The following FAM193A variants were observed in gnomAD, a reference collection of about 807,000 sequenced individuals.
FAM193A encodes the protein protein FAM193A.
In FAM193A, 22 loss-of-function variants were observed where a neutral mutation model predicts 126.5. The observed-to-expected ratio is 0.17, with a 90% CI of 0.12 to 0.25. FAM193A has a LOEUF of 0.25. Among genes scored for constraint, FAM193A ranks in the 10% least tolerant of loss-of-function variants. The pLI is 1.00. For missense variants in FAM193A, 1,675 were observed against 1,672.8 expected (o/e 1.00, Z -0.02); for synonymous variants, 761 against 646.8 (o/e 1.18, Z -2.68).
chr4:2,706,072 G>A (rs567210012), intron 19 of FAM193A, among the ~76,000 whole-genome samples: 1 of 152,072 alleles, frequency 6.6e-6, no homozygotes, highest in Non-Finnish European at 1.5e-5. Flanking sequence ...GCAGGGCATG[G>A]TGGTGCACAC....
intron 13 of FAM193A, among the ~76,000 whole-genome samples, chr4:2,672,788 G>A (rs1713968613): frequency 2.6e-5 from 4 of 152,090 alleles, no homozygotes; most frequent in African/African-American, 7.2e-5. Context: ...GACTCTACAG[G>A]GTCTAAAATG....
intron 20 of FAM193A, among the ~76,000 whole-genome samples, chr4:2,731,211 A>AC: frequency 6.7e-6 from 1 of 148,530 alleles, no homozygotes; most frequent in African/African-American, 2.5e-5. Context: ...AAAAAAAAAA[A>AC]AAAAAAAAAA....
chr4:2,550,440 GTTTGTTTA>G (rs1297906601), intron 1 of FAM193A, among the ~76,000 whole-genome samples: 8 of 151,824 alleles, frequency 5.3e-5, no homozygotes, highest in Non-Finnish European at 7.4e-5. Flanking sequence ...TTGTTTGTTT[GTTTGTTTA>G]TTTTTGAGGC....
At position 2,693,576 on chromosome 4, in the gene FAM193A, C is replaced by G; in HGVS notation, c.2804-10C>G. ...AAACTTGGCAGTGACTCTCGCCTCT[C>G]TAAATGCAGGTGACGTGTTTCATGG... On this transcript the variant is annotated splice_polypyrimidine_tract_variant and intron_variant, in intron 15 of 20. Transcript: ENST00000637812. 1 of 1,604,774 alleles carries G rather than the reference C, an allele frequency of 6.2e-7. No homozygotes were observed. The highest frequency in any genetic ancestry group is 8.5e-7 in the Non-Finnish European group (1 of 1,173,136).
At chr4:2,610,967 C>T (rs546271715) in intron 2 of FAM193A, among the ~76,000 whole-genome samples, 1 of 152,110 alleles carries the variant, frequency 6.6e-6, no homozygotes, top group Non-Finnish European at 1.5e-5. Context: ...AAACTTACAA[C>T]CTCAGGTGAT....
intron 13 of FAM193A, among the ~76,000 whole-genome samples, chr4:2,677,104 A>ATT (rs1180640564): frequency 6.6e-6 from 1 of 152,050 alleles, no homozygotes; most frequent in Admixed American, 6.6e-5. Context: ...TTGGTAATCC[A>ATT]TTTTTTAGTT....
chr4:2,565,042 TC>T (rs1222941347), intron 1 of FAM193A, among the ~76,000 whole-genome samples: 1 of 151,980 alleles, frequency 6.6e-6, no homozygotes. Context: ...CAAGTTATCC[TC>T]CCACCATGGC....
intron 1 of FAM193A, among the ~76,000 whole-genome samples, chr4:2,565,873 G>A (rs1738910749): frequency 2.0e-5 from 3 of 152,254 alleles, no homozygotes. Flanking sequence ...CTATTCTGAA[G>A]GTGAATTGAA....
chr4:2,612,236 T>C (rs1329482239), intron 2 of FAM193A, among the ~76,000 whole-genome samples: 2 of 151,116 alleles, frequency 1.3e-5, no homozygotes, highest in Non-Finnish European at 3.0e-5. Flanking sequence ...GGGCCGTGGC[T>C]CACGCCTGTA....
At chr4:2,570,725 G>T (rs1739242055) in intron 1 of FAM193A, among the ~76,000 whole-genome samples, 1 of 152,142 alleles carries the variant, frequency 6.6e-6, no homozygotes, top group Admixed American at 6.5e-5. Flanking sequence ...TACCCCATGG[G>T]TACAGGCCTT....
intron 1 of FAM193A, among the ~76,000 whole-genome samples, chr4:2,595,612 A>G (rs959684316): frequency 6.6e-6 from 1 of 152,202 alleles, no homozygotes; most frequent in African/African-American, 2.4e-5. Context: ...AGCTGCCATC[A>G]GCTCCCTGTT....
Position 2,659,972 on chromosome 4 carries a change from T to C in FAM193A, c.1663T>C (p.Ser555Pro). ...RSPPSVSSAS[S>P]GSGSSSPITI... ...CCCGCCCAGTGTGTCATCTGCAAGCTCGGGGTCCGGCTCCAGCTCTCCCAT... is the reference window on the plus strand; with the variant it reads ...CCCGCCCAGTGTGTCATCTGCAAGCCCGGGGTCCGGCTCCAGCTCTCCCAT... Residue 555 changes from serine to proline, a missense_variant, in exon 10 of 21, where the codon TCG (serine) becomes CCG (proline). By Grantham distance (74) the Ser-to-Pro change is moderately conservative. Around this residue, in one of 4 missense-constraint regions of FAM193A, gnomAD observed 1,186 missense variants for 1,109.2 expected, o/e 1.07. Transcript: ENST00000637812. 1 of 1,614,096 alleles carries C rather than the reference T, an allele frequency of 6.2e-7. No homozygotes were observed. Among genetic ancestry groups the C allele is most frequent in the Non-Finnish European group, 8.5e-7 (1 of 1,180,002 alleles).
chr4:2,630,558 C>T (rs1251452500), intron 4 of FAM193A, among the ~76,000 whole-genome samples: 1 of 152,194 alleles, frequency 6.6e-6, no homozygotes, highest in Non-Finnish European at 1.5e-5. Flanking sequence ...GGGCCAGCTG[C>T]TGAGAAGTGG....
At chr4:2,729,935 C>T (rs893234581) in intron 20 of FAM193A, among the ~76,000 whole-genome samples, 2 of 151,792 alleles carry the variant, frequency 1.3e-5, no homozygotes, top group Non-Finnish European at 2.9e-5. Flanking sequence ...AGACGGGTCT[C>T]ACCTTTGTCA....
chr4:2,628,116 C>T (rs1264199690), intron 4 of FAM193A, among the ~76,000 whole-genome samples: 1 of 151,606 alleles, frequency 6.6e-6, no homozygotes, highest in Non-Finnish European at 1.5e-5. Context: ...GAACTCCTGA[C>T]CTTGTGATCC....
intron 2 of FAM193A, among the ~76,000 whole-genome samples, chr4:2,623,528 G>C (rs1338671352): frequency 6.6e-6 from 1 of 152,248 alleles, no homozygotes; most frequent in Admixed American, 6.5e-5. Context: ...TTCTGCTGCA[G>C]GGTCTTACCT....
chr4:2,696,340 C>G (rs1272178407), intron 17 of FAM193A, 23 bp from the exon 18 acceptor site: 2 of 1,532,678 alleles, frequency 1.3e-6, no homozygotes, highest in South Asian at 2.4e-5. Flanking sequence ...AAAACTTAAG[C>G]ATAACTTTGT....
intron 13 of FAM193A, among the ~76,000 whole-genome samples, chr4:2,687,117 A>G (rs1236533565): frequency 6.6e-6 from 1 of 151,922 alleles, no homozygotes; most frequent in East Asian, 1.9e-4. Flanking sequence ...GTTCCAGGTC[A>G]GTGGACTCGC....
At chr4:2,641,197 C>T (rs978829047) in intron 6 of FAM193A, among the ~76,000 whole-genome samples, 1 of 151,296 alleles carries the variant, frequency 6.6e-6, no homozygotes, top group Non-Finnish European at 1.5e-5. Context: ...CAGGCTTGCA[C>T]CACCACGCCT....
Sources: gnomAD v4.1 joint callset for allele counts (sites outside exome capture counted in the v4.1 genomes callset) on GRCh38, gnomAD v4.1.1 for gene constraint, gnomAD v4.1.1 regional missense constraint, MANE v1.5 for transcripts, NCBI Gene and HGNC (gene_info 2026-07-23, HGNC 2026-07-21) for gene names.